The following FRMD8 variants were observed in gnomAD, a reference collection of about 807,000 sequenced individuals.
FRMD8 encodes the protein FERM domain containing 8.
A neutral mutation model predicts 54.2 loss-of-function variants in FRMD8; 37 were observed. The ratio of observed to expected loss-of-function variants is 0.68; its 90% confidence interval spans 0.53 to 0.90. The LOEUF (loss-of-function observed/expected upper bound fraction) is 0.90. Ranked by LOEUF, FRMD8 falls within the 40% of genes least tolerant of loss-of-function variation. The pLI is 0.00. For synonymous variants in FRMD8, 246 were observed against 286.9 expected, an observed-to-expected ratio of 0.86 and a Z score of 1.44; for missense variants, 585 against 653.7, an observed-to-expected ratio of 0.89 and a Z score of 1.15.
intron 9 of FRMD8, among the ~76,000 whole-genome samples, chr11:65,402,287 G>C (rs911633615): frequency 6.6e-6 from 1 of 151,782 alleles, no homozygotes; most frequent in African/African-American, 2.4e-5. Context: ...TGGGGAGGCA[G>C]AGATTGTGGT....
intron 9 of FRMD8, among the ~76,000 whole-genome samples, chr11:65,403,430 G>A (rs997024918): frequency 3.3e-5 from 5 of 151,788 alleles, no homozygotes; most frequent in African/African-American, 1.2e-4. Context: ...TGATCCACCC[G>A]CCTCGGCCTC....
chr11:65,378,188 C>T, the FRMD8 span: 1 of 152,130 alleles, frequency 6.6e-6, no homozygotes, highest in Non-Finnish European at 1.5e-5. Flanking sequence ...GCTAGGCTGA[C>T]ACCAGGTGAC....
the FRMD8 span, chr11:65,377,240 G>A: frequency 1.4e-6 from 2 of 1,432,910 alleles, no homozygotes; most frequent in East Asian, 2.5e-5. Flanking sequence ...GGGATGGCCA[G>A]GATGTCTGCA....
chr11:65,392,513 C>A (rs142489404), intron 3 of FRMD8, among the ~76,000 whole-genome samples: 19 of 152,184 alleles, frequency 1.2e-4, no homozygotes, highest in African/African-American at 4.3e-4. Context: ...GCAGAGAACC[C>A]GGTGGCCACT....
chr11:65,376,519 T>C, the FRMD8 span: 1 of 1,614,202 alleles, frequency 6.2e-7, no homozygotes, highest in Non-Finnish European at 8.5e-7. Flanking sequence ...CAGTCCTTCC[T>C]GCCGGATGCT....
Position 65,393,149 on chromosome 11 carries a change from C to G in FRMD8, c.254-424C>G, listed in dbSNP as rs1855876190. ...GGTGGGCAGTGATGACGGGGAGGCC[C>G]AGGCTCTGCCAGTGGGGGGGCAAGG... On this transcript the variant is annotated intron_variant, in intron 3 of 10. Transcript: ENST00000317568. 2.0e-5 allele frequency among the ~76,000 whole-genome samples: 3 copies of G among 152,214 alleles called. No homozygotes were observed. In the South Asian group the frequency reaches 6.2e-4, roughly 31 times the overall value.
chr11:65,393,563 C>A lies in FRMD8; in HGVS notation c.254-10C>A. 3 of 1,604,458 alleles carry A rather than the reference C, an allele frequency of 1.9e-6. No individual in the cohort carries two copies. The highest frequency in any genetic ancestry group is 2.5e-6 in the Non-Finnish European group (3 of 1,177,802). On this transcript the variant is annotated splice_polypyrimidine_tract_variant and intron_variant, in intron 3 of 10. Transcript: ENST00000317568. ...AGGCTGCATGGGCCACTCCCCATCT[C>A]GTCCTGCAGAGGTGCAGCTGAAACC...
At chr11:65,376,330 T>C in the FRMD8 span, 2 of 1,539,060 alleles carry the variant, frequency 1.3e-6, no homozygotes, top group Non-Finnish European at 1.8e-6. Context: ...ATTTGCAAGC[T>C]TTCAACCTGG....
intron 3 of FRMD8, among the ~76,000 whole-genome samples, chr11:65,390,792 T>C (rs1299120985): frequency 6.6e-6 from 1 of 152,260 alleles, no homozygotes; most frequent in Non-Finnish European, 1.5e-5. Context: ...CAGAGCCTGC[T>C]GGGCAGCCTG....
intron 7 of FRMD8, 137 bp from the exon 8 acceptor site, chr11:65,399,599 C>T: frequency 1.9e-6 from 2 of 1,044,270 alleles, no homozygotes; most frequent in Non-Finnish European, 2.7e-6. Flanking sequence ...TTCATCCCAC[C>T]TCTGTTTCTC....
At chr11:65,377,879 AT>A in the FRMD8 span, 1 of 151,946 alleles carries the variant, frequency 6.6e-6, no homozygotes, top group East Asian at 1.9e-4. Flanking sequence ...TCTCTGAGGG[AT>A]TTATCTGTTT....
chr11:65,382,061 C>A, upstream of FRMD8: 1 of 1,006,336 alleles, frequency 9.9e-7, no homozygotes, highest in Non-Finnish European at 1.6e-6. The surrounding 1 kb of genome is among the most constrained non-coding windows in gnomAD (Gnocchi z 4.4). Context: ...TTAACCCTGG[C>A]GGGAAGGTGA....
intron 10 of FRMD8, among the ~76,000 whole-genome samples, chr11:65,410,659 G>A (rs1449532215): frequency 5.3e-5 from 8 of 152,116 alleles, no homozygotes; most frequent in South Asian, 4.1e-4. Flanking sequence ...GCGCCGTGGC[G>A]GGCGCCTGTA....
chr11:65,408,669 A>G (rs1422456005), intron 10 of FRMD8, among the ~76,000 whole-genome samples: 1 of 151,748 alleles, frequency 6.6e-6, no homozygotes, highest in Non-Finnish European at 1.5e-5. Context: ...CTGGAGTGCA[A>G]TGGCCTAGTC....
chr11:65,389,383 A>G lies in FRMD8; in HGVS notation c.108A>G (p.Leu36=). The G allele has an allele frequency of 6.2e-7, 1 of 1,610,782 alleles. No homozygotes were observed. Among genetic ancestry groups the G allele is most frequent in the Non-Finnish European group, 8.5e-7 (1 of 1,179,980 alleles). ...CAGCGGCTGACGTGCTGGTATACCT[A>G]GCGGATGACACGGTGGTGCCCCTGG... ...GARAADVLVY[L]ADDTVVPLAV... is the part of the protein sequence containing the mutation. Residue 36 remains leucine (L), a synonymous_variant, in exon 3 of 11, where the codon CTA becomes CTG. Transcript: ENST00000317568.
the FRMD8 span, chr11:65,380,099 C>A: frequency 1.2e-6 from 2 of 1,608,102 alleles, no homozygotes; most frequent in Non-Finnish European, 1.7e-6. Context: ...CAGGTGAGAT[C>A]TTTCATTCCT....
the FRMD8 span, among the ~76,000 whole-genome samples, chr11:65,374,309 T>C: frequency 6.9e-6 from 1 of 145,680 alleles, no homozygotes; most frequent in African/African-American, 2.5e-5. Context: ...AAGACCCCCA[T>C]GTGCCCAGGT....
At chr11:65,405,105 C>T (rs376799978) in intron 10 of FRMD8, 37 bp downstream of exon 10, 12 of 1,590,928 alleles carry the variant, frequency 7.5e-6, no homozygotes, top group East Asian at 4.5e-5. Context: ...CACACAAACA[C>T]GCATGCGCGT....
chr11:65,380,678 C>T, the FRMD8 span: 18 of 1,117,592 alleles, frequency 1.6e-5, no homozygotes, highest in Non-Finnish European at 2.2e-5. Context: ...CTTCTCCCCT[C>T]CCCTCCACCT....
Sources: allele counts gnomAD v4.1 joint callset (sites outside exome capture counted in the v4.1 genomes callset), GRCh38; gene constraint gnomAD v4.1.1; non-coding constraint Gnocchi (gnomAD v3.1); transcripts MANE v1.5; gene names NCBI Gene and HGNC (gene_info 2026-07-23, HGNC 2026-07-21).